CCSER1: variants seen among roughly 807,000 people sequenced by gnomAD.
CCSER1 encodes the protein serine-rich coiled-coil domain-containing protein 1.
A neutral mutation model predicts 82.0 loss-of-function variants in CCSER1; 41 were observed. The ratio of observed to expected loss-of-function variants is 0.50; its 90% CI spans 0.39 to 0.65. CCSER1 has a LOEUF of 0.65. Ranked by LOEUF, CCSER1 falls within the 30% of genes least tolerant of loss-of-function variation. The pLI, the probability that CCSER1 is intolerant of heterozygous loss-of-function variation, is 0.00. For synonymous variants in CCSER1, 414 were observed against 383.9 expected (o/e 1.08, Z -0.92); for missense variants, 1,119 against 1,064.2 (o/e 1.05, Z -0.72).
chr4:91,472,556 G>C (rs1757341972), intron 10 of CCSER1, among the ~76,000 whole-genome samples: 1 of 152,004 alleles, frequency 6.6e-6, no homozygotes, highest in African/African-American at 2.4e-5. Flanking sequence ...GTTTTATTTT[G>C]CTCATAGTTA....
chr4:90,262,162 A>G (rs1026958834), intron 1 of CCSER1, among the ~76,000 whole-genome samples: 2 of 152,124 alleles, frequency 1.3e-5, no homozygotes, highest in Non-Finnish European at 2.9e-5. Context: ...GGGATATTAA[A>G]GAACCCTGTT....
intron 10 of CCSER1, among the ~76,000 whole-genome samples, chr4:91,131,745 G>C (rs1039708522): frequency 2.6e-5 from 4 of 152,042 alleles, no homozygotes; most frequent in African/African-American, 9.7e-5. Context: ...GGTGAATCTA[G>C]ATGAAGAATC....
chr4:90,425,142 A>G (rs923415412), intron 4 of CCSER1, among the ~76,000 whole-genome samples: 1 of 152,088 alleles, frequency 6.6e-6, no homozygotes, highest in Non-Finnish European at 1.5e-5. Context: ...CATTCTTCAT[A>G]CAGAACTCAG....
At chr4:90,242,955 C>T (rs768540852) in intron 1 of CCSER1, among the ~76,000 whole-genome samples, 2 of 151,954 alleles carry the variant, frequency 1.3e-5, no homozygotes, top group Non-Finnish European at 1.5e-5. Context: ...AATAGTGAAA[C>T]TGCTTGGTTC....
chr4:90,458,012 G>T (rs1277249289), intron 4 of CCSER1, among the ~76,000 whole-genome samples: 1 of 152,184 alleles, frequency 6.6e-6, no homozygotes, highest in Non-Finnish European at 1.5e-5. Context: ...ATACCCAGCA[G>T]GGTCATGGCC....
intron 7 of CCSER1, among the ~76,000 whole-genome samples, chr4:90,774,867 T>C (rs1752695240): frequency 1.3e-5 from 2 of 152,118 alleles, no homozygotes; most frequent in East Asian, 3.9e-4. Context: ...TCATCTGTTC[T>C]TATTCCAAAA....
chr4:90,225,880 A>G (rs1478698249), intron 1 of CCSER1, among the ~76,000 whole-genome samples: 1 of 152,136 alleles, frequency 6.6e-6, no homozygotes, highest in Non-Finnish European at 1.5e-5. Flanking sequence ...AGTGGGATCT[A>G]TTTTTCCTCC....
intron 9 of CCSER1, among the ~76,000 whole-genome samples, chr4:90,952,517 G>A (rs1733019007): frequency 6.6e-6 from 1 of 152,090 alleles, no homozygotes; most frequent in Non-Finnish European, 1.5e-5. Flanking sequence ...TGTTAACAAT[G>A]TTGAAATCTT....
intron 10 of CCSER1, among the ~76,000 whole-genome samples, chr4:91,391,120 TATTAAGGTGGAAACTTAGATG>T (rs1034284774): frequency 1.8e-4 from 27 of 152,126 alleles, no homozygotes; most frequent in Non-Finnish European, 3.4e-4. Flanking sequence ...GGATTTAATT[TATTAAGGTGGAAACTTAGATG>T]ATTGATTTTA....
At chr4:90,778,574 T>A (rs183322987) in intron 7 of CCSER1, among the ~76,000 whole-genome samples, 19 of 151,996 alleles carry the variant, frequency 1.3e-4, no homozygotes, top group Admixed American at 8.5e-4. Context: ...ACATATTTTT[T>A]AAAAAAATCT....
At chr4:91,066,431 G>A (rs919347028) in intron 9 of CCSER1, among the ~76,000 whole-genome samples, 2 of 152,212 alleles carry the variant, frequency 1.3e-5, no homozygotes, top group African/African-American at 4.8e-5. Context: ...TTCCTATGGT[G>A]TTAGACAACA....
chr4:90,771,280 T>A (rs1027074903), intron 7 of CCSER1, among the ~76,000 whole-genome samples: 14 of 152,014 alleles, frequency 9.2e-5, no homozygotes, highest in African/African-American at 3.4e-4. Flanking sequence ...ATACTTTGCT[T>A]ATAAAATATA....
At chr4:91,305,701 A>T (rs1745008349) in intron 10 of CCSER1, among the ~76,000 whole-genome samples, 1 of 151,090 alleles carries the variant, frequency 6.6e-6, no homozygotes, top group African/African-American at 2.4e-5. Flanking sequence ...GTCTGTTCTC[A>T]TGCTGCTAAT....
At chr4:90,524,145 G>C (rs917179450) in intron 5 of CCSER1, among the ~76,000 whole-genome samples, 14 of 152,256 alleles carry the variant, frequency 9.2e-5, no homozygotes, top group Admixed American at 7.8e-4. Context: ...AGTTAGAACT[G>C]TTTTAATCTT....
chr4:90,218,209 T>C (rs893578382), intron 1 of CCSER1, among the ~76,000 whole-genome samples: 2 of 152,238 alleles, frequency 1.3e-5, no homozygotes, highest in African/African-American at 4.8e-5. Context: ...TTTTAATTCA[T>C]TCATATGCTG....
intron 9 of CCSER1, among the ~76,000 whole-genome samples, chr4:90,980,455 A>G (rs568584312): frequency 3.9e-5 from 6 of 151,904 alleles, no homozygotes; most frequent in Admixed American, 2.6e-4. Context: ...GTTAGAGAAG[A>G]AAGTTTTGAA....
At chr4:90,886,106 G>T (rs966023987) in intron 8 of CCSER1, among the ~76,000 whole-genome samples, 1 of 152,110 alleles carries the variant, frequency 6.6e-6, no homozygotes, top group African/African-American at 2.4e-5. Flanking sequence ...AGTCTCAAAG[G>T]TGTTGGCTGC....
intron 6 of CCSER1, among the ~76,000 whole-genome samples, chr4:90,691,891 C>T (rs35800815): frequency 0.16 from 24,534 of 151,552 alleles, 2,163 homozygotes; most frequent in Middle Eastern, 0.26. Context: ...TCTGTTGTTC[C>T]CTTCTTTGTG....
intron 1 of CCSER1, among the ~76,000 whole-genome samples, chr4:90,233,256 A>T (rs1745017436): frequency 6.6e-6 from 1 of 152,142 alleles, no homozygotes; most frequent in Admixed American, 6.5e-5. Flanking sequence ...GGATTAAGAA[A>T]ATGTGGCACA....
Sources: allele counts gnomAD v4.1 joint callset (sites outside exome capture counted in the v4.1 genomes callset), GRCh38; gene constraint gnomAD v4.1.1; transcripts MANE v1.5; gene names NCBI Gene and HGNC (gene_info 2026-07-23, HGNC 2026-07-21).